MTFR1L: variants seen among roughly 807,000 people sequenced by gnomAD.
MTFR1L encodes the protein mitochondrial fission regulator 1-like.
In MTFR1L, 10 loss-of-function variants were observed where a neutral mutation model predicts 27.9. The observed-to-expected ratio is 0.36, with a 90% CI of 0.22 to 0.61. The LOEUF (loss-of-function observed/expected upper bound fraction) is 0.61, where lower values mean the gene tolerates loss of function less well. Among genes scored for constraint, MTFR1L ranks in the 20% least tolerant of loss-of-function variants. The pLI, the probability that MTFR1L is intolerant of heterozygous loss-of-function variation, is 0.73. For missense variants in MTFR1L, 315 were observed against 363.7 expected, an observed-to-expected ratio of 0.87 and a Z score of 1.09; for synonymous variants, 151 against 139.4, an observed-to-expected ratio of 1.08 and a Z score of -0.58.
At chr1:25,823,893 C>G in intron 3 of MTFR1L, 145 bp downstream of exon 3, 1 of 1,105,906 alleles carries the variant, frequency 9.0e-7, no homozygotes, top group South Asian at 1.7e-5. Context: ...ATAAGATATC[C>G]TGGTCACTGT....
chr1:25,824,826 C>T (rs1325451735), intron 3 of MTFR1L, among the ~76,000 whole-genome samples: 1 of 151,974 alleles, frequency 6.6e-6, no homozygotes, highest in Non-Finnish European at 1.5e-5. Flanking sequence ...TAGAGGCCGT[C>T]CCCACACTTG....
chr1:25,828,052 TCCC>T (rs1279790811), intron 5 of MTFR1L, among the ~76,000 whole-genome samples: 1 of 151,862 alleles, frequency 6.6e-6, no homozygotes, highest in Non-Finnish European at 1.5e-5. Flanking sequence ...AAGTAAACAT[TCCC>T]CCCACCACCA....
Position 25,831,508 on chromosome 1 carries a change from A to G in MTFR1L, c.774-413A>G, listed in dbSNP as rs372630852. Among the ~76,000 whole-genome samples the G allele has an allele frequency of 2.6e-3, 397 of 152,346 alleles. 14 individuals are homozygous for G. The South Asian group carries it at 0.078, about 30-fold the overall frequency. ...ACTATCAAGGGTCAGAATAGCCAAG[A>G]GTCATCAGTCACTTCCCCTGCTGAC... is the stretch of plus-strand genomic sequence containing the variant. On this transcript the variant is annotated intron_variant, in intron 6 of 6. Coordinates refer to ENST00000374303, the MANE Select transcript of MTFR1L (RefSeq NM_001099625.2).
rs1257197485 is a variant in MTFR1L at position 25,832,452 on chromosome 1, G to A, written c.*426G>A. ...AGCAGAGCAGGGCTGAGGGGAAGGG[G>A]CTATGAATGTTTGTATACATGTTCA... is the stretch of plus-strand genomic sequence containing the variant. On this transcript the variant is annotated 3_prime_UTR_variant, in exon 7 of 7. Coordinates refer to ENST00000374303, the MANE Select transcript of MTFR1L (RefSeq NM_001099625.2). 1 of 420,900 alleles carries A rather than the reference G, an allele frequency of 2.4e-6. No individual in the cohort carries two copies. The highest frequency in any genetic ancestry group is 2.6e-5 in the South Asian group (1 of 38,616). 26.1% of individuals were successfully genotyped at this position (420,900 alleles called of 1,614,324 possible). A position where few individuals can be genotyped will look rare whatever the true frequency, so the allele number is the denominator to read the frequency against.
At chr1:25,831,291 T>C (rs1056475679) in intron 6 of MTFR1L, among the ~76,000 whole-genome samples, 2 of 152,238 alleles carry the variant, frequency 1.3e-5, no homozygotes, top group Non-Finnish European at 2.9e-5. Context: ...TTCAAGCAAC[T>C]ATTTTCCAGG....
At chr1:25,820,097 T>A (rs2048065566) in intron 1 of MTFR1L, 68 bp downstream of exon 1, 1 of 438,198 alleles carries the variant, frequency 2.3e-6, no homozygotes, top group African/African-American at 2.1e-5. Context: ...AGACTGGGTC[T>A]ACGTGCCGGG....
At chr1:25,824,593 G>C (rs1299088213) in intron 3 of MTFR1L, among the ~76,000 whole-genome samples, 1 of 152,196 alleles carries the variant, frequency 6.6e-6, no homozygotes, top group Non-Finnish European at 1.5e-5. Flanking sequence ...AGCAGAGTCT[G>C]TAGGAACTGG....
chr1:25,828,356 G>A (rs2124481090), intron 5 of MTFR1L, among the ~76,000 whole-genome samples: 1 of 152,344 alleles, frequency 6.6e-6, no homozygotes, highest in South Asian at 2.1e-4. Context: ...GCTGAGGTGG[G>A]TGGATCACCT....
intron 5 of MTFR1L, among the ~76,000 whole-genome samples, chr1:25,828,306 G>A (rs2048193130): frequency 6.6e-6 from 1 of 152,214 alleles, no homozygotes; most frequent in Admixed American, 6.5e-5. Context: ...ACAGTGGTCG[G>A]GCACTGTGGC....
In MTFR1L at chr1:25,823,144, A is replaced by G; in HGVS notation, c.24+16A>G. The G allele has an allele frequency of 6.2e-7, 1 of 1,612,788 alleles. No individual in the cohort carries two copies. The highest frequency in any genetic ancestry group is 8.5e-7 in the Non-Finnish European group (1 of 1,178,786). ...AGCCACTGTGGTAAGGGGCATTCCC[A>G]GGGCAGGGGTATGGTGGGGAAGGTT... is the stretch of plus-strand genomic sequence containing the variant. On this transcript the variant is annotated intron_variant, in intron 2 of 6. Transcript: ENST00000374303.
intron 3 of MTFR1L, among the ~76,000 whole-genome samples, chr1:25,825,052 AT>A (rs1440515932): frequency 1.3e-5 from 2 of 152,228 alleles, no homozygotes; most frequent in Non-Finnish European, 2.9e-5. Context: ...AGGAAAACAA[AT>A]GGAGGCTTCC....
At position 25,826,061 on chromosome 1, in the gene MTFR1L, T is replaced by G. The variant is rs2048163204; in HGVS notation, c.130-241T>G. 1 of 454,926 alleles carries G rather than the reference T, an allele frequency of 2.2e-6. No individual in the cohort carries two copies. Among genetic ancestry groups the G allele is most frequent in the South Asian group, 2.5e-5 (1 of 39,426 alleles). The allele number at this position is 454,926 out of a possible 1,614,324, so 28.2% of individuals were successfully genotyped here. On this transcript the variant is annotated intron_variant, in intron 3 of 6. Transcript: ENST00000374303. The surrounding 1 kb of genome is among the most constrained non-coding windows in gnomAD (Gnocchi z 4.1). Reference sequence around the variant, plus strand: ...TGTTGCCCAGGCTGATCTCAAACTCTTGGTCTCAAGCATTCTGCCTGCCTC... The same window carrying G: ...TGTTGCCCAGGCTGATCTCAAACTCGTGGTCTCAAGCATTCTGCCTGCCTC...
intron 1 of MTFR1L, chr1:25,821,541 C>G (rs1053779939): frequency 4.6e-5 from 7 of 152,312 alleles, no homozygotes; most frequent in African/African-American, 1.7e-4. Flanking sequence ...CACCTCGTCT[C>G]CCAAGGGTAG....
At chr1:25,824,665 G>A (rs1308885155) in intron 3 of MTFR1L, among the ~76,000 whole-genome samples, 4 of 152,086 alleles carry the variant, frequency 2.6e-5, no homozygotes, top group East Asian at 1.9e-4. Flanking sequence ...TGGAAGTGTC[G>A]CAGGGGTAGG....
At position 25,826,388 on chromosome 1, in the gene MTFR1L, A is replaced by G; in HGVS notation, c.216A>G (p.Glu72=). The change falls in exon 4 of 7, where the codon GAA becomes GAG. Residue 72 remains glutamate (E), a synonymous_variant. Coordinates refer to ENST00000374303, the MANE Select transcript of MTFR1L (RefSeq NM_001099625.2). This position sits in a 1 kb window ranked among gnomAD's most constrained non-coding sequence, Gnocchi z 4.1. ...ACATCGCCTGGATTGCTGCGGATGAAGAGGAGACATATGCCCGGGTCAGGT... is the reference window on the plus strand; with the variant it reads ...ACATCGCCTGGATTGCTGCGGATGAGGAGGAGACATATGCCCGGGTCAGGT... ...LADIAWIAAD[E]EETYARVRSD... The G allele has an allele frequency of 6.2e-7, 1 of 1,614,186 alleles. No homozygotes were observed. The highest frequency in any genetic ancestry group is 8.5e-7 in the Non-Finnish European group (1 of 1,180,032).
Position 25,823,090 on chromosome 1 carries a change from C to T in MTFR1L, c.-15C>T, listed in dbSNP as rs751566063. The stretch of plus-strand genomic sequence containing the variant: ...CAGTGGCTGCCTTGTCCTTCAAGTG[C>T]AGGAGCTGGTTCAAATGTCAGGAAT... On this transcript the variant is annotated 5_prime_UTR_variant, in exon 2 of 7. Coordinates refer to ENST00000374303, the MANE Select transcript of MTFR1L (RefSeq NM_001099625.2). 2.5e-6 allele frequency: 4 copies of T among 1,614,188 alleles called. No homozygotes were observed. The South Asian group carries it at 4.4e-5, about 18-fold the overall frequency.
intron 1 of MTFR1L, chr1:25,822,049 C>T (rs187870063): frequency 6.6e-6 from 1 of 152,366 alleles, no homozygotes; most frequent in East Asian, 1.9e-4. Flanking sequence ...GAAGAGCAGT[C>T]AGATGTCACC....
chr1:25,832,251 T>TA lies in MTFR1L; in HGVS notation c.*227dup, dbSNP rs1380323625. 2 of 1,326,346 alleles carry TA rather than the reference T, an allele frequency of 1.5e-6. No individual in the cohort carries two copies. Among genetic ancestry groups the TA allele is most frequent in the East Asian group, 5.0e-5 (2 of 39,686 alleles). 82.2% of individuals were successfully genotyped at this position (1,326,346 alleles called of 1,614,324 possible). The stretch of plus-strand genomic sequence containing the variant: ...TTTGACCTGAGACATTTGTTTCAGG[T>TA]AATCGTGTAGAATGAAGTATCTTAG... On this transcript the variant is annotated 3_prime_UTR_variant, in exon 7 of 7. Coordinates refer to ENST00000374303, the MANE Select transcript of MTFR1L (RefSeq NM_001099625.2).
In MTFR1L at chr1:25,832,104, T is replaced by C. The variant is rs551632698; in HGVS notation, c.*78T>C. 6.2e-7 allele frequency: 1 copy of C among 1,609,706 alleles called. No individual in the cohort carries two copies. The highest frequency in any genetic ancestry group is 2.2e-5 in the East Asian group (1 of 44,852). On this transcript the variant is annotated 3_prime_UTR_variant, in exon 7 of 7. Coordinates refer to ENST00000374303, the MANE Select transcript of MTFR1L (RefSeq NM_001099625.2). ...CTGCCTTCCTCACCGCAGATGTTTC[T>C]GCCTCTTAAGGATAGATCTTCTGCA...
Sources: gnomAD v4.1 joint callset for allele counts (sites outside exome capture counted in the v4.1 genomes callset) on GRCh38, gnomAD v4.1.1 for gene constraint, Gnocchi (gnomAD v3.1) non-coding constraint, MANE v1.5 for transcripts, NCBI Gene and HGNC (gene_info 2026-07-23, HGNC 2026-07-21) for gene names.